Variants in CRYGN observed in about 807,000 individuals in gnomAD.
The protein encoded by CRYGN is crystallin gamma N.
In CRYGN, 17 loss-of-function variants were observed where a neutral mutation model predicts 19.2. The ratio of observed to expected loss-of-function variants is 0.89; its 90% CI spans 0.61 to 1.33. CRYGN has a LOEUF of 1.33. CRYGN is among the 40% of genes most tolerant of loss of function. The pLI, the probability that CRYGN is intolerant of heterozygous loss-of-function variation, is 0.00. For synonymous variants in CRYGN, 84 were observed against 85.8 expected (o/e 0.98, Z 0.12); for missense variants, 239 against 239.6 (o/e 1.00, Z 0.02).
In CRYGN at chr7:151,429,424, C is replaced by T. The variant is rs1270679324; in HGVS notation, c.*624G>A. 1.9e-5 allele frequency: 3 copies of T among 159,888 alleles called. No individual in the cohort carries two copies. Among genetic ancestry groups the T allele is most frequent in the Non-Finnish European group, 4.2e-5 (3 of 71,988 alleles). 9.9% of individuals were successfully genotyped at this position (159,888 alleles called of 1,614,324 possible). A position where few individuals can be genotyped will look rare whatever the true frequency, so the allele number is the denominator to read the frequency against. ...TTGGTACAGCAGACATGATTGCACT[C>T]ATTTCACAGAACAGGGTCTGAGGCC... On this transcript the variant is annotated 3_prime_UTR_variant, in exon 4 of 4. Transcript: ENST00000337323.
rs1388547425 is a variant in CRYGN, at chr7:151,431,086, C to T, written c.417-906G>A. Among the ~76,000 whole-genome samples the T allele has an allele frequency of 6.6e-6, 1 of 152,216 alleles. No homozygotes were observed. The highest frequency in any genetic ancestry group is 1.5e-5 in the Non-Finnish European group (1 of 68,040). ...GTTCTCCTCAGAAGCCCAGAGCACT[C>T]CATCTGTTGCCTCCTTCTGGGGTGG... On this transcript the variant is annotated intron_variant, in intron 3 of 3. Coordinates refer to ENST00000337323, the MANE Select transcript of CRYGN (RefSeq NM_144727.3). This position sits in a 1 kb window ranked among gnomAD's most constrained non-coding sequence, Gnocchi z 4.8.
intron 3 of CRYGN, chr7:151,432,176 G>A (rs1274330863): frequency 8.1e-7 from 1 of 1,231,546 alleles, no homozygotes; most frequent in Non-Finnish European, 1.0e-6. Context: ...ACCTTGTGGA[G>A]CGACTGCACT....
rs533551167 is a variant in CRYGN, at chr7:151,431,951, G to A, written c.417-1771C>T. 3.8e-4 allele frequency: 139 copies of A among 363,480 alleles called. No individual in the cohort carries two copies. The highest frequency in any genetic ancestry group is 2.4e-3 in the African/African-American group (117 of 47,964). 22.5% of individuals were successfully genotyped at this position (363,480 alleles called of 1,614,324 possible). The stretch of plus-strand genomic sequence containing the variant: ...CACTCTCCCCTCCCTGGCCCAGGGG[G>A]TCCCTGGGAGTCCGGGAAAGCGCCC... On this transcript the variant is annotated intron_variant, in intron 3 of 3. Coordinates refer to ENST00000337323, the MANE Select transcript of CRYGN (RefSeq NM_144727.3). This position sits in a 1 kb window ranked among gnomAD's most constrained non-coding sequence, Gnocchi z 4.8.
At position 151,436,364 on chromosome 7, in the gene CRYGN, G is replaced by T; in HGVS notation, c.271-39C>A. Reference sequence around the variant, plus strand: ...CAAAAAAGAAGGAAAGAAGGAGGTTGCTGTGAATTCCCCTCTCCCAGAAAC... The same window carrying T: ...CAAAAAAGAAGGAAAGAAGGAGGTTTCTGTGAATTCCCCTCTCCCAGAAAC... On this transcript the variant is annotated intron_variant, in intron 2 of 3. Transcript: ENST00000337323. The surrounding 1 kb of genome is among the most constrained non-coding windows in gnomAD (Gnocchi z 5.1). 6.8e-7 allele frequency: 1 copy of T among 1,464,640 alleles called. No individual in the cohort carries two copies. Among genetic ancestry groups the T allele is most frequent in the African/African-American group, 1.4e-5 (1 of 69,556 alleles). 90.7% of individuals were successfully genotyped at this position (1,464,640 alleles called of 1,614,324 possible). A position where few individuals can be genotyped will look rare whatever the true frequency, so the allele number is the denominator to read the frequency against.
rs1328926816 is a variant in CRYGN, at chr7:151,436,069, G to A, written c.416+111C>T. On this transcript the variant is annotated intron_variant, in intron 3 of 3. Coordinates refer to ENST00000337323, the MANE Select transcript of CRYGN (RefSeq NM_144727.3). This position sits in a 1 kb window ranked among gnomAD's most constrained non-coding sequence, Gnocchi z 5.1. ...GCCAGGGACACGCTGCCCACTGCTG[G>A]AGGTCTCATTCCCACCCCACCCACC... The A allele has an allele frequency of 1.3e-6, 1 of 793,204 alleles. No individual in the cohort carries two copies. Among genetic ancestry groups the A allele is most frequent in the Non-Finnish European group, 1.7e-6 (1 of 572,354 alleles). 49.1% of individuals were successfully genotyped at this position (793,204 alleles called of 1,614,324 possible). A position where few individuals can be genotyped will look rare whatever the true frequency, so the allele number is the denominator to read the frequency against.
intron 2 of CRYGN, 124 bp downstream of exon 2, chr7:151,437,872 T>C (rs1247685970): frequency 6.4e-6 from 10 of 1,550,606 alleles, no homozygotes; most frequent in Non-Finnish European, 8.7e-6. Context: ...GTATAGCTCC[T>C]TCAGTCTTAC....
intron 3 of CRYGN, among the ~76,000 whole-genome samples, chr7:151,434,595 G>A (rs994637469): frequency 2.6e-5 from 4 of 152,178 alleles, no homozygotes; most frequent in South Asian, 2.1e-4. Flanking sequence ...CTGGGAACTG[G>A]TTCCAGGACC....
chr7:151,429,898 A>T lies in CRYGN; in HGVS notation c.*150T>A. ...GACAGGGCCCTTGCCATGGGTGGGG[A>T]GGGCCTCCCGCTGGCAGATATGACA... On this transcript the variant is annotated 3_prime_UTR_variant, in exon 4 of 4. Coordinates refer to ENST00000337323, the MANE Select transcript of CRYGN (RefSeq NM_144727.3). The T allele has an allele frequency of 1.5e-6, 1 of 681,734 alleles. No homozygotes were observed. The highest frequency in any genetic ancestry group is 2.7e-6 in the Non-Finnish European group (1 of 370,466). The allele number at this position is 681,734 out of a possible 1,614,324, so 42.2% of individuals were successfully genotyped here.
chr7:151,439,761 C>A lies in CRYGN; in HGVS notation c.21+136G>T, dbSNP rs1046522701. 24 of 980,130 alleles carry A rather than the reference C, an allele frequency of 2.4e-5. No homozygotes were observed. In the East Asian group the frequency reaches 3.8e-4, roughly 16 times the overall value. 60.7% of individuals were successfully genotyped at this position (980,130 alleles called of 1,614,324 possible). A position where few individuals can be genotyped will look rare whatever the true frequency, so the allele number is the denominator to read the frequency against. ...GGCCCCAGGCCAGTAGCGAGGCCACCCCATTTTATTAAGAAATTAAACCAG... is the reference window on the plus strand; with the variant it reads ...GGCCCCAGGCCAGTAGCGAGGCCACACCATTTTATTAAGAAATTAAACCAG... On this transcript the variant is annotated intron_variant, in intron 1 of 3. Transcript: ENST00000337323.
chr7:151,434,146 A>G (rs549238962), intron 3 of CRYGN, among the ~76,000 whole-genome samples: 2 of 152,246 alleles, frequency 1.3e-5, no homozygotes, highest in African/African-American at 4.8e-5. Flanking sequence ...ACATTTGTGT[A>G]AGAGTAAGAG....
chr7:151,432,178 G>A (rs765310691), intron 3 of CRYGN: 206 of 1,231,456 alleles, frequency 1.7e-4, no homozygotes, highest in Non-Finnish European at 2.0e-4. Context: ...CTTGTGGAGC[G>A]ACTGCACTCG....
intron 2 of CRYGN, chr7:151,437,763 G>T: frequency 7.6e-7 from 1 of 1,309,970 alleles, no homozygotes; most frequent in South Asian, 1.6e-5. Context: ...AACTTAAAGT[G>T]GTTTATTGAT....
intron 3 of CRYGN, chr7:151,432,385 G>C: frequency 1.6e-6 from 1 of 636,718 alleles, no homozygotes; most frequent in Non-Finnish European, 2.3e-6. Context: ...ACCCCTCCCG[G>C]TCGAGCGGCC....
At chr7:151,432,036 C>T (rs1054859746) in intron 3 of CRYGN, 10 of 440,908 alleles carry the variant, frequency 2.3e-5, no homozygotes, top group East Asian at 1.8e-4. Flanking sequence ...ACTCAGAAGC[C>T]GCCCGTTGGC....
rs201372369 is a variant in CRYGN, at chr7:151,437,976, C to T, written c.270+20G>A. ...CCCTCCAGCAGGAAGACTCAGCCTTCGGTGGACGGGCCCACTCACCATTCC... is the reference window on the plus strand; with the variant it reads ...CCCTCCAGCAGGAAGACTCAGCCTTTGGTGGACGGGCCCACTCACCATTCC... On this transcript the variant is annotated intron_variant, in intron 2 of 3. Transcript: ENST00000337323. 1.3e-5 allele frequency: 21 copies of T among 1,610,630 alleles called. No individual in the cohort carries two copies. Among genetic ancestry groups the T allele is most frequent in the Non-Finnish European group, 1.6e-5 (19 of 1,180,028 alleles).
chr7:151,440,021 T>C lies in CRYGN; in HGVS notation c.-104A>G. The C allele has an allele frequency of 7.1e-7, 1 of 1,401,604 alleles. No individual in the cohort carries two copies. Among genetic ancestry groups the C allele is most frequent in the Non-Finnish European group, 9.3e-7 (1 of 1,075,160 alleles). The allele number at this position is 1,401,604 out of a possible 1,614,324, so 86.8% of individuals were successfully genotyped here. On this transcript the variant is annotated 5_prime_UTR_variant, in exon 1 of 4. Transcript: ENST00000337323. ...ATTTGCTGGGCCGGCCCCGGAGCGT[T>C]AGTGCTGTCGGGCGTGCTAAGCCCG...
In CRYGN at chr7:151,436,399, A is replaced by T. The variant is rs935227997; in HGVS notation, c.271-74T>A. 2.1e-6 allele frequency: 3 copies of T among 1,414,088 alleles called. No individual in the cohort carries two copies. The highest frequency in any genetic ancestry group is 1.9e-6 in the Non-Finnish European group (2 of 1,063,770). 87.6% of individuals were successfully genotyped at this position (1,414,088 alleles called of 1,614,324 possible). ...CCCCTCTCCCAGAAACAGAAGCCCC[A>T]TGCAGGAAGGAATTAGGAGGTACCC... On this transcript the variant is annotated intron_variant, in intron 2 of 3. Transcript: ENST00000337323. This position sits in a 1 kb window ranked among gnomAD's most constrained non-coding sequence, Gnocchi z 5.1.
At chr7:151,434,288 C>G (rs1801545102) in intron 3 of CRYGN, among the ~76,000 whole-genome samples, 1 of 152,162 alleles carries the variant, frequency 6.6e-6, no homozygotes, top group African/African-American at 2.4e-5. Context: ...CACCTTCGTT[C>G]TCAACAAGCC....
At position 151,431,972 on chromosome 7, in the gene CRYGN, C is replaced by T. The variant is rs921034864; in HGVS notation, c.417-1792G>A. 57 of 379,948 alleles carry T rather than the reference C, an allele frequency of 1.5e-4. 1 individual carries two copies. The highest frequency in any genetic ancestry group is 1.3e-3 in the Middle Eastern group (2 of 1,534). The allele number at this position is 379,948 out of a possible 1,614,324, so 23.5% of individuals were successfully genotyped here. A position where few individuals can be genotyped will look rare whatever the true frequency, so the allele number is the denominator to read the frequency against. On this transcript the variant is annotated intron_variant, in intron 3 of 3. Transcript: ENST00000337323. The surrounding 1 kb of genome is among the most constrained non-coding windows in gnomAD (Gnocchi z 4.8). Reference sequence around the variant, plus strand: ...GGGGGTCCCTGGGAGTCCGGGAAAGCGCCCTGGATCATCCAGCTCCTCCCA... The same window carrying T: ...GGGGGTCCCTGGGAGTCCGGGAAAGTGCCCTGGATCATCCAGCTCCTCCCA...
Sources: allele counts gnomAD v4.1 joint callset (sites outside exome capture counted in the v4.1 genomes callset), GRCh38; gene constraint gnomAD v4.1.1; non-coding constraint Gnocchi (gnomAD v3.1); transcripts MANE v1.5; gene names NCBI Gene and HGNC (gene_info 2026-07-23, HGNC 2026-07-21).